Variants in FHL1 observed in about 807,000 individuals in gnomAD.
FHL1 encodes four and a half LIM domains protein 1.
Under a neutral mutation model 20.3 loss-of-function variants are expected in FHL1, and 1 was observed. The observed-to-expected ratio is 0.05, with a 90% CI of 0.02 to 0.23. The LOEUF (loss-of-function observed/expected upper bound fraction) is 0.23. FHL1 is among the 10% of genes least tolerant of loss of function. The probability of loss-of-function intolerance (pLI) is 1.00; values close to 1 mark genes in which losing one functional copy is unlikely to be tolerated. For missense variants in FHL1, 177 were observed against 234.0 expected (o/e 0.76, Z 1.59); for synonymous variants, 82 against 88.9 (o/e 0.92, Z 0.44).
At chrX:136,184,510 A>G (rs1469812040) in intron 2 of FHL1, among the ~76,000 whole-genome samples, 1 of 112,098 alleles carries the variant, frequency 8.9e-6, no homozygotes, top group Non-Finnish European at 1.9e-5. Flanking sequence ...TATTAACTAA[A>G]TACAAGAGGA....
chrX:136,205,807 C>T (rs1247729339), intron 1 of FHL1, among the ~76,000 whole-genome samples: 1 of 111,441 alleles, frequency 9.0e-6, no homozygotes, highest in Non-Finnish European at 1.9e-5. Context: ...TACTACCCTC[C>T]CTAAAAAGAG....
chrX:136,196,794 G>T, upstream of FHL1: 1 of 1,164,096 alleles, frequency 8.6e-7, no homozygotes, highest in Non-Finnish European at 1.1e-6. Flanking sequence ...ATTTTATTCC[G>T]GTACAGGGAT....
intron 1 of FHL1, 93 bp downstream of exon 1, chrX:136,197,227 AT>A: frequency 1.2e-6 from 1 of 857,793 alleles, no homozygotes; most frequent in Non-Finnish European, 1.7e-6. Context: ...TGATGAAATG[AT>A]TTTAGTCTTG....
chrX:136,168,714 C>G (rs1009310721), upstream of FHL1, among the ~76,000 whole-genome samples: 1 of 111,567 alleles, frequency 9.0e-6, no homozygotes, highest in Non-Finnish European at 1.9e-5. Flanking sequence ...TGACAACGAT[C>G]CTGACAATCG....
intron 1 of FHL1, among the ~76,000 whole-genome samples, chrX:136,156,242 T>C (rs1182239746): frequency 9.0e-6 from 1 of 111,245 alleles, no homozygotes; most frequent in Non-Finnish European, 1.9e-5. Context: ...AAAAACTGTC[T>C]GGATGTTATT....
At chrX:136,185,127 A>T (rs2073255389) in intron 2 of FHL1, among the ~76,000 whole-genome samples, 1 of 112,645 alleles carries the variant, frequency 8.9e-6, no homozygotes, top group Non-Finnish European at 1.9e-5. Flanking sequence ...AATATTGTTA[A>T]TTTAATTTTA....
rs1350592423 is a variant in FHL1 at position 136,211,019 on chromosome X, C to T, written c.*994C>T. 1 of 374,438 alleles carries T rather than the reference C, an allele frequency of 2.7e-6. No individual in the cohort carries two copies. The highest frequency in any genetic ancestry group is 2.5e-5 in the African/African-American group (1 of 39,710). The allele number at this position is 374,438 out of a possible 1,213,427, so 30.9% of individuals were successfully genotyped here. ...TTCACAACAGTGACTAGTTGAATCC[C>T]TTGTAACGTAGTAGTTGTCTGCTCT... On this transcript the variant is annotated 3_prime_UTR_variant, in exon 6 of 6. Transcript: ENST00000370683.
chrX:136,180,817 C>G (rs764019567), intron 2 of FHL1, among the ~76,000 whole-genome samples: 1 of 111,235 alleles, frequency 9.0e-6, no homozygotes, highest in East Asian at 2.8e-4. Flanking sequence ...TCTCGGCTCA[C>G]TGCAACCTCT....
At chrX:136,187,330 G>A (rs758423184) in intron 2 of FHL1, among the ~76,000 whole-genome samples, 1 of 110,460 alleles carries the variant, frequency 9.1e-6, no homozygotes, top group Admixed American at 9.6e-5. Context: ...TACATCTTTG[G>A]AAATAAACCC....
chrX:136,204,184 T>G (rs2073783434), intron 1 of FHL1, among the ~76,000 whole-genome samples: 1 of 112,777 alleles, frequency 8.9e-6, no homozygotes, highest in African/African-American at 3.2e-5. Context: ...GAGCAACTGA[T>G]AATTTATTTC....
chrX:136,210,136 G>C lies in FHL1; in HGVS notation c.*111G>C, dbSNP rs1211556019. On this transcript the variant is annotated 3_prime_UTR_variant, in exon 6 of 6. Coordinates refer to ENST00000370683, the MANE Select transcript of FHL1 (RefSeq NM_001159699.2). ...AAGAGTGGTCCTTCCCTTCTTTAAA[G>C]TTCTCCTTCCGTCTTTTCTCCCATT... 1.1e-5 allele frequency: 11 copies of C among 1,046,672 alleles called. No homozygotes were observed. The highest frequency in any genetic ancestry group is 3.8e-5 in the South Asian group (2 of 52,760). 86.3% of individuals were successfully genotyped at this position (1,046,672 alleles called of 1,213,427 possible). A position where few individuals can be genotyped will look rare whatever the true frequency, so the allele number is the denominator to read the frequency against.
upstream of FHL1, among the ~76,000 whole-genome samples, chrX:136,195,540 C>T (rs376717631): frequency 8.9e-5 from 10 of 112,307 alleles, no homozygotes; most frequent in East Asian, 1.7e-3. Flanking sequence ...CTTCTTTTCC[C>T]AGGCTTATTT....
intron 1 of FHL1, among the ~76,000 whole-genome samples, chrX:136,163,183 G>C (rs2072621535): frequency 8.9e-6 from 1 of 112,311 alleles, no homozygotes; most frequent in Non-Finnish European, 1.9e-5. Context: ...CTGAATCTTG[G>C]ACACATGAAA....
chrX:136,200,789 T>G (rs778127544), intron 1 of FHL1, among the ~76,000 whole-genome samples: 12 of 112,182 alleles, frequency 1.1e-4, no homozygotes, highest in African/African-American at 3.2e-4. Flanking sequence ...CAACCTCATT[T>G]CTTGCCTCCT....
chrX:136,173,619 C>G (rs897500311), intron 2 of FHL1, among the ~76,000 whole-genome samples: 1 of 111,246 alleles, frequency 9.0e-6, no homozygotes, highest in African/African-American at 3.3e-5. Flanking sequence ...CTTGAAATAT[C>G]AGAAGATCTG....
chrX:136,187,125 A>G (rs1219514093), intron 2 of FHL1, among the ~76,000 whole-genome samples: 1 of 98,664 alleles, frequency 1.0e-5, no homozygotes, highest in Non-Finnish European at 2.0e-5. Flanking sequence ...GTATACCACT[A>G]TTTATGTTTT....
chrX:136,176,722 A>C (rs1037313233), intron 2 of FHL1, among the ~76,000 whole-genome samples: 1 of 111,605 alleles, frequency 9.0e-6, no homozygotes, highest in Non-Finnish European at 1.9e-5. Context: ...GCAAAGGTGC[A>C]GCACATTTGT....
At chrX:136,158,701 A>G (rs754724731) in intron 1 of FHL1, among the ~76,000 whole-genome samples, 1 of 111,760 alleles carries the variant, frequency 8.9e-6, no homozygotes, top group South Asian at 3.8e-4. Context: ...GAGTTGTGAA[A>G]GGATGGTTTT....
chrX:136,205,515 A>T (rs1369544174), intron 1 of FHL1, among the ~76,000 whole-genome samples: 1 of 111,970 alleles, frequency 8.9e-6, no homozygotes, highest in African/African-American at 3.2e-5. Flanking sequence ...CAGATAATTC[A>T]AGGTTGCCAA....
Sources: gnomAD v4.1 joint callset for allele counts (sites outside exome capture counted in the v4.1 genomes callset) on GRCh38, gnomAD v4.1.1 for gene constraint, MANE v1.5 for transcripts, NCBI Gene and HGNC (gene_info 2026-07-23, HGNC 2026-07-21) for gene names.